Variants in CACNA2D3 observed in about 807,000 individuals in gnomAD.
CACNA2D3 encodes the protein voltage-dependent calcium channel subunit alpha-2/delta-3.
Under a neutral mutation model 160.6 loss-of-function variants are expected in CACNA2D3, and 60 were observed. That is an observed-to-expected ratio of 0.37 (90% CI 0.30 to 0.46). The LOEUF (loss-of-function observed/expected upper bound fraction) is 0.46, where lower values mean the gene tolerates loss of function less well. CACNA2D3 is among the 20% of genes least tolerant of loss of function. The pLI is 1.00. For synonymous variants in CACNA2D3, 558 were observed against 492.9 expected (o/e 1.13, Z -1.75); for missense variants, 1,205 against 1,365.0 (o/e 0.88, Z 1.85).
At chr3:54,457,392 A>C (rs1700418313) in intron 4 of CACNA2D3, among the ~76,000 whole-genome samples, 1 of 151,982 alleles carries the variant, frequency 6.6e-6, no homozygotes, top group Non-Finnish European at 1.5e-5. Context: ...ACTGATTTCT[A>C]GTTTTATTAC....
intron 2 of CACNA2D3, among the ~76,000 whole-genome samples, chr3:54,124,114 A>C (rs1699539651): frequency 6.6e-6 from 1 of 152,224 alleles, no homozygotes; most frequent in African/African-American, 2.4e-5. Flanking sequence ...CATTGCAGAT[A>C]AGGAGAATGA....
At chr3:54,354,536 C>T (rs930592621) in intron 3 of CACNA2D3, among the ~76,000 whole-genome samples, 1 of 152,166 alleles carries the variant, frequency 6.6e-6, no homozygotes. Context: ...CCAAGGGCCC[C>T]TCCTGAGTGT....
At chr3:54,714,571 T>A (rs1701016672) in intron 11 of CACNA2D3, among the ~76,000 whole-genome samples, 1 of 152,072 alleles carries the variant, frequency 6.6e-6, no homozygotes, top group Admixed American at 6.6e-5. Context: ...GGTCAGTGGG[T>A]TTCACTTAGA....
chr3:54,672,318 G>A (rs1184356187), intron 11 of CACNA2D3, among the ~76,000 whole-genome samples: 1 of 152,196 alleles, frequency 6.6e-6, no homozygotes, highest in African/African-American at 2.4e-5. Flanking sequence ...GGAATGCTGT[G>A]TGTCTCAGAG....
intron 11 of CACNA2D3, among the ~76,000 whole-genome samples, chr3:54,744,194 G>A (rs544344984): frequency 8.5e-5 from 13 of 152,236 alleles, no homozygotes; most frequent in South Asian, 4.2e-4. Flanking sequence ...CAAAACTGTC[G>A]CAGAATGGGC....
At chr3:54,175,569 C>T (rs556811905) in intron 2 of CACNA2D3, among the ~76,000 whole-genome samples, 85 of 138,608 alleles carry the variant, frequency 6.1e-4, no homozygotes, top group African/African-American at 2.2e-3. Flanking sequence ...GCTGAGGTTG[C>T]GACACTGCAC....
chr3:54,366,157 T>C (rs1698824497), intron 3 of CACNA2D3, among the ~76,000 whole-genome samples: 1 of 152,214 alleles, frequency 6.6e-6, no homozygotes, highest in South Asian at 2.1e-4. Flanking sequence ...TAAGGAGGCA[T>C]TTTTCTGCTT....
intron 13 of CACNA2D3, among the ~76,000 whole-genome samples, chr3:54,796,082 A>G (rs1186622750): frequency 6.6e-6 from 1 of 152,200 alleles, no homozygotes; most frequent in Admixed American, 6.5e-5. Flanking sequence ...TCAGTGTGTC[A>G]GCAGGCTTGA....
intron 2 of CACNA2D3, among the ~76,000 whole-genome samples, chr3:54,310,338 C>G (rs770889272): frequency 5.3e-5 from 8 of 152,122 alleles, no homozygotes; most frequent in Non-Finnish European, 1.2e-4. Flanking sequence ...TGAAGTGACA[C>G]CTTTGTATGC....
At position 54,664,305 on chromosome 3, in the gene CACNA2D3, C is replaced by T. The variant is rs182157628; in HGVS notation, c.1167+22064C>T. Reference sequence around the variant, plus strand: ...GCCCTTGGACAGTGGGTTTACCACCCGTTTCCCCAAGGTCTCCTTGTATCC... The same window carrying T: ...GCCCTTGGACAGTGGGTTTACCACCTGTTTCCCCAAGGTCTCCTTGTATCC... On this transcript the variant is annotated intron_variant, in intron 11 of 37. Transcript: ENST00000474759. Among the ~76,000 whole-genome samples the T allele has an allele frequency of 2.2e-3, 331 of 152,306 alleles. 1 individual carries two copies. The highest frequency in any genetic ancestry group is 6.8e-3 in the Middle Eastern group (2 of 294).
chr3:55,004,212 TA>T (rs1403637882), intron 31 of CACNA2D3, among the ~76,000 whole-genome samples: 1 of 152,228 alleles, frequency 6.6e-6, no homozygotes, highest in African/African-American at 2.4e-5. Context: ...CATTCACTCT[TA>T]TGGTGATGAC....
intron 35 of CACNA2D3, among the ~76,000 whole-genome samples, chr3:55,066,274 T>G (rs1704634463): frequency 6.6e-6 from 1 of 152,198 alleles, no homozygotes; most frequent in Non-Finnish European, 1.5e-5. Context: ...ACCGACTCAT[T>G]GGCTTTCATT....
intron 4 of CACNA2D3, among the ~76,000 whole-genome samples, chr3:54,460,600 G>C (rs961817140): frequency 1.3e-5 from 2 of 152,124 alleles, no homozygotes; most frequent in African/African-American, 2.4e-5. Flanking sequence ...GTATAAGAAT[G>C]CTTGTGATTT....
chr3:54,739,783 G>A (rs888785676), intron 11 of CACNA2D3, among the ~76,000 whole-genome samples: 3 of 137,452 alleles, frequency 2.2e-5, no homozygotes, highest in African/African-American at 8.1e-5. Flanking sequence ...GTGTGTGTGT[G>A]TGTGTGTGTG....
chr3:54,845,766 A>G (rs189926703), intron 16 of CACNA2D3, among the ~76,000 whole-genome samples: 3 of 152,354 alleles, frequency 2.0e-5, no homozygotes, highest in Admixed American at 6.5e-5. Context: ...CGCATAGAAA[A>G]TTACCCAGGC....
intron 5 of CACNA2D3, among the ~76,000 whole-genome samples, chr3:54,522,928 ATTT>A (rs1701667581): frequency 7.1e-6 from 1 of 141,224 alleles, no homozygotes; most frequent in Non-Finnish European, 1.5e-5. Context: ...TTATTTATTT[ATTT>A]ATTTACTTAC....
chr3:54,542,299 A>G (rs1227664494), intron 5 of CACNA2D3, among the ~76,000 whole-genome samples: 1 of 152,060 alleles, frequency 6.6e-6, no homozygotes, highest in Non-Finnish European at 1.5e-5. Context: ...TGACCTTGTG[A>G]TCTGCCCACG....
chr3:54,443,929 A>G (rs1031138754), intron 4 of CACNA2D3, among the ~76,000 whole-genome samples: 2 of 152,004 alleles, frequency 1.3e-5, no homozygotes, highest in Admixed American at 1.3e-4. Flanking sequence ...TTTGGCTTTT[A>G]TTTACTCTGA....
chr3:54,160,452 A>G (rs1700323674), intron 2 of CACNA2D3, among the ~76,000 whole-genome samples: 1 of 152,174 alleles, frequency 6.6e-6, no homozygotes, highest in Admixed American at 6.5e-5. Flanking sequence ...GTGAGCCAAG[A>G]TTGCGCCACT....
Sources: allele counts gnomAD v4.1 joint callset (sites outside exome capture counted in the v4.1 genomes callset), GRCh38; gene constraint gnomAD v4.1.1; transcripts MANE v1.5; gene names NCBI Gene and HGNC (gene_info 2026-07-23, HGNC 2026-07-21).